Variants in WDR18 observed in about 807,000 individuals in gnomAD.
WDR18 encodes WD repeat-containing protein 18.
Under a neutral mutation model 49.6 loss-of-function variants are expected in WDR18, and 33 were observed. That is an observed-to-expected ratio of 0.67 (90% CI 0.50 to 0.89). The LOEUF (loss-of-function observed/expected upper bound fraction) is 0.89, where lower values mean the gene tolerates loss of function less well. Among genes scored for constraint, WDR18 ranks in the 40% least tolerant of loss-of-function variants. The pLI, the probability that WDR18 is intolerant of heterozygous loss-of-function variation, is 0.00. For missense variants in WDR18, 653 were observed against 593.6 expected, an observed-to-expected ratio of 1.10 and a Z score of -1.04; for synonymous variants, 315 against 263.6, an observed-to-expected ratio of 1.19 and a Z score of -1.89.
At position 987,829 on chromosome 19, in the gene WDR18, G is replaced by GTTTTTTTT. The variant is rs71174337; in HGVS notation, c.321+1870_321+1877dup. Among the ~76,000 whole-genome samples the GTTTTTTTT allele has an allele frequency of 1.7e-4, 16 of 91,800 alleles. 2 individuals are homozygous for GTTTTTTTT. The highest frequency in any genetic ancestry group is 1.1e-3 in the East Asian group (3 of 2,730). The allele number at this position is 91,800 out of a possible 152,430, so 60.2% of individuals were successfully genotyped here. ...ACCCCTGCTCCCCTAGCCGCCTCCA[G>GTTTTTTTT]TTTTTTTTTTTTTTTTTTTTTTTCA... is the stretch of plus-strand genomic sequence containing the variant. On this transcript the variant is annotated intron_variant, in intron 2 of 9. Coordinates refer to ENST00000585809, the MANE Select transcript of WDR18 (RefSeq NM_024100.4).
chr19:987,975 G>A (rs1283094761), intron 2 of WDR18, among the ~76,000 whole-genome samples: 4 of 150,894 alleles, frequency 2.7e-5, no homozygotes, highest in South Asian at 2.1e-4. Flanking sequence ...GCTGGGAGGC[G>A]CCCGCCACCA....
chr19:989,058 CCA>C, intron 2 of WDR18, among the ~76,000 whole-genome samples: 1 of 107,508 alleles, frequency 9.3e-6, no homozygotes. Flanking sequence ...CCCACAACCC[CCA>C]CCAGAGCTTC....
rs1194419775 is a variant in WDR18, at chr19:992,067, C to T, written c.1044C>T (p.His348=). ...ACAAGCACCTGCTGGGCGCCGAGCACGGGGACGAGCCGCGCCACGGGGGCC... is the reference window on the plus strand; with the variant it reads ...ACAAGCACCTGCTGGGCGCCGAGCATGGGGACGAGCCGCGCCACGGGGGCC... ...HFNKHLLGAE[H]GDEPRHGGLT... The change falls in exon 8 of 10, where the codon CAC becomes CAT. Residue 348 remains histidine, a synonymous_variant. Coordinates refer to ENST00000585809, the MANE Select transcript of WDR18 (RefSeq NM_024100.4). 1.9e-6 allele frequency: 3 copies of T among 1,559,974 alleles called. No individual in the cohort carries two copies. Among genetic ancestry groups the T allele is most frequent in the African/African-American group, 2.8e-5 (2 of 71,884 alleles).
At chr19:994,145 G>C (rs2038598993) in intron 9 of WDR18, 57 bp downstream of exon 9, 3 of 1,548,664 alleles carry the variant, frequency 1.9e-6, no homozygotes, top group African/African-American at 2.7e-5. Flanking sequence ...CTGGCCAGTG[G>C]GGGTGAGTGG....
chr19:994,404 G>T lies in WDR18; in HGVS notation c.*60G>T, dbSNP rs1317898935. The stretch of plus-strand genomic sequence containing the variant: ...GAGCCCCATGCCTCCCAGCAACCAG[G>T]GCCCGCGGGTGTGGCCCCCACCAGC... On this transcript the variant is annotated 3_prime_UTR_variant, in exon 10 of 10. Coordinates refer to ENST00000585809, the MANE Select transcript of WDR18 (RefSeq NM_024100.4). 3.9e-6 allele frequency: 6 copies of T among 1,547,348 alleles called. No individual in the cohort carries two copies. The highest frequency in any genetic ancestry group is 2.3e-5 in the South Asian group (2 of 85,348).
chr19:986,398 T>C (rs1218610788), intron 2 of WDR18, among the ~76,000 whole-genome samples: 1 of 152,004 alleles, frequency 6.6e-6, no homozygotes, highest in Non-Finnish European at 1.5e-5. Context: ...GTCTCCTGAG[T>C]AGCTGGGATT....
At chr19:984,876 T>C (rs2038459354) in intron 1 of WDR18, among the ~76,000 whole-genome samples, 1 of 151,930 alleles carries the variant, frequency 6.6e-6, no homozygotes, top group African/African-American at 2.4e-5. Flanking sequence ...GAAATTTGAT[T>C]AAAAGGGGCC....
chr19:986,292 T>C (rs1483497034), intron 2 of WDR18, among the ~76,000 whole-genome samples: 1 of 152,212 alleles, frequency 6.6e-6, no homozygotes, highest in East Asian at 1.9e-4. Flanking sequence ...CTGGCACTTG[T>C]GACTTGAAAG....
In WDR18 at chr19:984,400, C is replaced by T. The variant is rs568734778; in HGVS notation, c.47C>T (p.Pro16Leu). The T allele has an allele frequency of 3.1e-6, 5 of 1,602,358 alleles. No individual in the cohort carries two copies. Among genetic ancestry groups the T allele is most frequent in the Non-Finnish European group, 4.3e-6 (5 of 1,176,152 alleles). Residue 16 changes from proline (P) to leucine (L), a missense_variant, in exon 1 of 10, where the codon CCG becomes CTG. Pro to Leu is a moderately conservative substitution (Grantham distance 98). Coordinates refer to ENST00000585809, the MANE Select transcript of WDR18 (RefSeq NM_024100.4). The stretch of plus-strand genomic sequence containing the variant: ...GCCGTGTGTACGGACTCGGCGGCCC[C>T]GATGTGGAGCTGCATCGTGTGGGAA... ...EVAVCTDSAA[P>L]MWSCIVWELH...
rs1217248861 is a variant in WDR18 at position 991,252 on chromosome 19, T to G, written c.832T>G (p.Ser278Ala). The G allele has an allele frequency of 6.4e-7, 1 of 1,573,376 alleles. No homozygotes were observed. Among genetic ancestry groups the G allele is most frequent in the Non-Finnish European group, 8.6e-7 (1 of 1,158,124 alleles). ...GAACCAGGTGACTTGCCTGTCAGTG[T>G]CCACTGACGGCAGCGTGCTGCTCTC... ...HRNQVTCLSVSTDGSVLLSGS... is the reference protein window; with the variant it reads ...HRNQVTCLSVATDGSVLLSGS... Residue 278 changes from serine (S) to alanine (A), a missense_variant, in exon 7 of 10, where the codon TCC becomes GCC. Transcript: ENST00000585809.
At chr19:992,968 G>C (rs552857280) in intron 8 of WDR18, among the ~76,000 whole-genome samples, 13 of 152,346 alleles carry the variant, frequency 8.5e-5, no homozygotes, top group African/African-American at 2.9e-4. Context: ...TGGCCTGACA[G>C]GCCCTGCACC....
chr19:990,356 A>G lies in WDR18; in HGVS notation c.589A>G (p.Thr197Ala). ...GGTGGCCACCTCCTCACTGGACCAG[A>G]CGGTGAAGGTACGCCGCCCCCACCC... ...ARVATSSLDQTVKLWEVSSGE... is the reference protein window; with the variant it reads ...ARVATSSLDQAVKLWEVSSGE... Residue 197 changes from threonine to alanine, a missense_variant, in exon 4 of 10, where the codon ACG becomes GCG. Coordinates refer to ENST00000585809, the MANE Select transcript of WDR18 (RefSeq NM_024100.4). 6.4e-7 allele frequency: 1 copy of G among 1,570,168 alleles called. No individual in the cohort carries two copies.
Position 994,226 on chromosome 19 carries a change from G to C in WDR18, c.1181G>C (p.Gly394Ala). Reference protein sequence around the residue: ...CSTMEKSVLGGQDQLRVRVTE... With the variant: ...CSTMEKSVLGAQDQLRVRVTE... ...CTTCTCCCGCAGAGCGTGCTCGGCG[G>C]CCAGGACCAGCTGCGCGTCCGTGTG... is the stretch of plus-strand genomic sequence containing the variant. The change falls in exon 10 of 10, where the codon GGC becomes GCC. Residue 394 changes from glycine to alanine, a missense_variant. Physicochemically the swap from Gly to Ala is moderately conservative, Grantham distance 60. Transcript: ENST00000585809. The C allele has an allele frequency of 6.2e-7, 1 of 1,604,220 alleles. No individual in the cohort carries two copies. The highest frequency in any genetic ancestry group is 8.5e-7 in the Non-Finnish European group (1 of 1,177,342).
upstream of WDR18, chr19:984,260 G>T: frequency 8.4e-6 from 11 of 1,307,350 alleles, no homozygotes; most frequent in South Asian, 3.5e-5. Context: ...TCGGCCACCC[G>T]CTGGGGCCGC....
chr19:986,418 C>G (rs1284581622), intron 2 of WDR18, among the ~76,000 whole-genome samples: 4 of 152,142 alleles, frequency 2.6e-5, no homozygotes, highest in Non-Finnish European at 4.4e-5. Context: ...TCCAGGCGCC[C>G]ACCACCACAC....
At chr19:993,622 G>C (rs1425740987) in intron 8 of WDR18, among the ~76,000 whole-genome samples, 1 of 152,208 alleles carries the variant, frequency 6.6e-6, no homozygotes, top group Non-Finnish European at 1.5e-5. Context: ...TTGCTGGGCC[G>C]GCCAGGCTCT....
intron 2 of WDR18, among the ~76,000 whole-genome samples, chr19:987,451 T>TG (rs2038486554): frequency 6.6e-6 from 1 of 152,186 alleles, no homozygotes; most frequent in Non-Finnish European, 1.5e-5. Flanking sequence ...ATTTTTGAGA[T>TG]GGGGTCTCAC....
chr19:985,891 C>A lies in WDR18; in HGVS notation c.237C>A (p.Cys79Ter). ...ACCAGCTCCAGCAGAAGATCATGTG[C>A]CCCGGGCCTGTCACCTGTCTGACTG... ...RKDQLQQKIM[C>*]PGPVTCLTAS... The change falls in exon 2 of 10, where the codon TGC becomes TGA. Residue 79 changes from cysteine to a stop codon, truncating the protein, a stop_gained. Coordinates refer to ENST00000585809, the MANE Select transcript of WDR18 (RefSeq NM_024100.4). LOFTEE classifies it high-confidence loss of function. 6.2e-7 allele frequency: 1 copy of A among 1,613,886 alleles called. No homozygotes were observed. The highest frequency in any genetic ancestry group is 2.2e-5 in the East Asian group (1 of 44,888).
chr19:991,923 A>C, intron 7 of WDR18, 32 bp from the exon 8 acceptor site: 4 of 1,471,206 alleles, frequency 2.7e-6, no homozygotes, highest in Non-Finnish European at 3.6e-6. Flanking sequence ...CCTGGCTGGG[A>C]TGGGGCGGGG....
Sources: allele counts gnomAD v4.1 joint callset (sites outside exome capture counted in the v4.1 genomes callset), GRCh38; gene constraint gnomAD v4.1.1; transcripts MANE v1.5; gene names NCBI Gene and HGNC (gene_info 2026-07-23, HGNC 2026-07-21).